Variants in XPNPEP1 observed in about 807,000 individuals in gnomAD.
The protein encoded by XPNPEP1 is X-prolyl aminopeptidase 1.
A neutral mutation model predicts 92.4 loss-of-function variants in XPNPEP1; 39 were observed. The observed-to-expected ratio is 0.42, with a 90% CI of 0.33 to 0.55. The LOEUF is 0.55. Among genes scored for constraint, XPNPEP1 ranks in the 20% least tolerant of loss-of-function variants. The probability of loss-of-function intolerance (pLI) is 0.08; values close to 1 mark genes in which losing one functional copy is unlikely to be tolerated. For synonymous variants in XPNPEP1, 307 were observed against 299.4 expected (o/e 1.03, Z -0.26); for missense variants, 654 against 856.1 (o/e 0.76, Z 2.95).
chr10:109,878,282 G>A (rs1044577763), intron 12 of XPNPEP1: 9 of 515,752 alleles, frequency 1.7e-5, no homozygotes, highest in African/African-American at 1.5e-4. Context: ...CAACTATTGT[G>A]CTTCAGTATT....
chr10:109,881,121 C>T (rs2133395622), intron 10 of XPNPEP1, among the ~76,000 whole-genome samples, 190 bp from the exon 11 acceptor site: 1 of 152,296 alleles, frequency 6.6e-6, no homozygotes, highest in South Asian at 2.1e-4. Context: ...TGAGCTTAAG[C>T]TCAACCAAAA....
intron 14 of XPNPEP1, chr10:109,876,931 C>G (rs1283635488): frequency 2.0e-5 from 3 of 152,284 alleles, no homozygotes; most frequent in Non-Finnish European, 4.4e-5. Flanking sequence ...GGAAGGGAGG[C>G]TCGGCCCTGT....
At chr10:109,873,255 T>G in intron 16 of XPNPEP1, 112 bp downstream of exon 16, 1 of 1,297,636 alleles carries the variant, frequency 7.7e-7, no homozygotes, top group South Asian at 1.3e-5. Context: ...CAAGGAGCAA[T>G]TTTACTACCC....
chr10:109,865,077 A>C lies in XPNPEP1; in HGVS notation c.*107T>G, dbSNP rs1847057259. On this transcript the variant is annotated 3_prime_UTR_variant, in exon 21 of 21. Transcript: ENST00000502935. ...GTTCTTCTTAAAGTCTAAAGTAAAA[A>C]GGGGAGGTAGGGAAGAAGGAAAGGA... 6.7e-7 allele frequency: 1 copy of C among 1,485,576 alleles called. No homozygotes were observed. The highest frequency in any genetic ancestry group is 9.2e-7 in the Non-Finnish European group (1 of 1,088,892). 92.0% of individuals were successfully genotyped at this position (1,485,576 alleles called of 1,614,324 possible).
intron 2 of XPNPEP1, among the ~76,000 whole-genome samples, chr10:109,914,247 C>T (rs1309557499): frequency 6.6e-6 from 1 of 152,086 alleles, no homozygotes; most frequent in Non-Finnish European, 1.5e-5. Context: ...AGAAATATTT[C>T]CCAAAAAGAC....
At chr10:109,913,678 C>T (rs1850010350) in intron 2 of XPNPEP1, among the ~76,000 whole-genome samples, 2 of 152,302 alleles carry the variant, frequency 1.3e-5, no homozygotes, top group South Asian at 4.1e-4. Context: ...ATGCAATTCC[C>T]AAGTCCATGC....
intron 1 of XPNPEP1, among the ~76,000 whole-genome samples, chr10:109,918,858 GGGAAGGAAGGAA>G (rs869050041): frequency 0.064 from 5,516 of 86,780 alleles, 179 homozygotes; most frequent in East Asian, 0.099. Flanking sequence ...GAAGGAAGGA[GGGAAGGAAGGAA>G]GGAAGGAAGG....
chr10:109,875,193 G>A (rs902747050), intron 15 of XPNPEP1, among the ~76,000 whole-genome samples: 4 of 152,230 alleles, frequency 2.6e-5, no homozygotes, highest in Non-Finnish European at 5.9e-5. Context: ...GGGCAGCTGA[G>A]AGTACAGGGA....
At position 109,888,037 on chromosome 10, in the gene XPNPEP1, A is replaced by C. The variant is rs1293475236; in HGVS notation, c.652+12T>G. 1 of 1,613,610 alleles carries C rather than the reference A, an allele frequency of 6.2e-7. No homozygotes were observed. Among genetic ancestry groups the C allele is most frequent in the Admixed American group, 1.7e-5 (1 of 60,006 alleles). ...GGCAGGGGCCCTGCTGGGCAGAACC[A>C]TTGATTCTGACCTGTGTAATCCAGG... On this transcript the variant is annotated intron_variant, in intron 7 of 20. Coordinates refer to ENST00000502935, the MANE Select transcript of XPNPEP1 (RefSeq NM_020383.4).
At position 109,871,785 on chromosome 10, in the gene XPNPEP1, C is replaced by T. The variant is rs1294309709; in HGVS notation, c.1522+7G>A. On this transcript the variant is annotated splice_region_variant and intron_variant, in intron 17 of 20. Transcript: ENST00000502935. ...GAGCCTGCCATGTGACAGAATGCAC[C>T]ACCTACCTTTGGTTCCAGTCGGGAA... 6.2e-7 allele frequency: 1 copy of T among 1,613,092 alleles called. No homozygotes were observed. The highest frequency in any genetic ancestry group is 1.1e-5 in the South Asian group (1 of 91,016).
At chr10:109,890,593 TGAGAGAGA>T (rs34618002) in intron 5 of XPNPEP1, among the ~76,000 whole-genome samples, 5,498 of 103,902 alleles carry the variant, frequency 0.053, 392 homozygotes, top group East Asian at 0.21. Flanking sequence ...TGTGTGTGTG[TGAGAGAGA>T]GAGAGAGAGA....
intron 5 of XPNPEP1, among the ~76,000 whole-genome samples, chr10:109,890,220 G>A (rs557557076): frequency 5.4e-4 from 82 of 152,216 alleles, no homozygotes; most frequent in African/African-American, 1.7e-3. Context: ...CAGTGTTTGC[G>A]CCTCTGACCC....
At chr10:109,888,246 C>G in intron 6 of XPNPEP1, 54 bp from the exon 7 acceptor site, 1 of 1,583,774 alleles carries the variant, frequency 6.3e-7, no homozygotes, top group Non-Finnish European at 8.5e-7. Context: ...TGCAGCAGGG[C>G]AGGGAGCAGG....
rs1436963776 is a variant in XPNPEP1, at chr10:109,867,878, T to C, written c.1872+736A>G. ...TGGTTTGGGAACTGTTTTGTCTGTC[T>C]AGTGCTAACAGTTCCTACCCCATTT... On this transcript the variant is annotated intron_variant, in intron 20 of 20. Transcript: ENST00000502935. This position sits in a 1 kb window ranked among gnomAD's most constrained non-coding sequence, Gnocchi z 4.5. 6.6e-6 allele frequency among the ~76,000 whole-genome samples: 1 copy of C among 152,250 alleles called. No homozygotes were observed. The highest frequency in any genetic ancestry group is 1.5e-5 in the Non-Finnish European group (1 of 68,030).
chr10:109,888,659 A>G (rs1848538803), intron 5 of XPNPEP1, 64 bp from the exon 6 acceptor site: 3 of 1,319,804 alleles, frequency 2.3e-6, no homozygotes, highest in East Asian at 5.0e-5. Context: ...TCCCACCAGA[A>G]AGATACAATT....
chr10:109,921,284 G>A (rs530208448), intron 1 of XPNPEP1, among the ~76,000 whole-genome samples: 207 of 152,294 alleles, frequency 1.4e-3, no homozygotes, highest in African/African-American at 4.9e-3. Flanking sequence ...ACTGCTGACA[G>A]AGCTAGAACC....
chr10:109,869,939 T>C lies in XPNPEP1; in HGVS notation c.1773+14A>G. The C allele has an allele frequency of 6.2e-7, 1 of 1,613,792 alleles. No individual in the cohort carries two copies. The highest frequency in any genetic ancestry group is 8.5e-7 in the Non-Finnish European group (1 of 1,179,808). ...GCTAATAGAAACAGGAAAATTTTTT[T>C]AATAAATCCTCACCTTGGTCTTCAC... On this transcript the variant is annotated intron_variant, in intron 19 of 20. Transcript: ENST00000502935.
chr10:109,868,860 C>T (rs1236050864), intron 19 of XPNPEP1, 148 bp from the exon 20 acceptor site: 18 of 683,540 alleles, frequency 2.6e-5, no homozygotes, highest in Non-Finnish European at 3.5e-5. Context: ...TTCACAGACA[C>T]ACAAGGAACC....
At chr10:109,922,790 T>C (rs1850618653) in intron 1 of XPNPEP1, among the ~76,000 whole-genome samples, 1 of 152,138 alleles carries the variant, frequency 6.6e-6, no homozygotes, top group South Asian at 2.1e-4. Flanking sequence ...GGCCGGGAAA[T>C]TATCTGTCTC....
Sources: allele counts gnomAD v4.1 joint callset (sites outside exome capture counted in the v4.1 genomes callset), GRCh38; gene constraint gnomAD v4.1.1; non-coding constraint Gnocchi (gnomAD v3.1); transcripts MANE v1.5; gene names NCBI Gene and HGNC (gene_info 2026-07-23, HGNC 2026-07-21).